The following PCDH15 variants were observed in gnomAD, a reference collection of about 807,000 sequenced individuals.
The protein encoded by PCDH15 is protocadherin related 15, also known as protocadherin-15.
In PCDH15, 129 loss-of-function variants were observed where a neutral mutation model predicts 178.5. That is an observed-to-expected ratio of 0.72 (90% CI 0.63 to 0.84). The LOEUF (loss-of-function observed/expected upper bound fraction) is 0.84. PCDH15 is among the 40% of genes least tolerant of loss of function. The pLI is 0.00. For missense variants in PCDH15, 2,230 were observed against 2,099.9 expected, an observed-to-expected ratio of 1.06 and a Z score of -1.21; for synonymous variants, 800 against 732.0, an observed-to-expected ratio of 1.09 and a Z score of -1.50.
At chr10:55,073,875 C>T (rs571239914) in intron 2 of PCDH15, among the ~76,000 whole-genome samples, 5 of 152,040 alleles carry the variant, frequency 3.3e-5, no homozygotes, top group East Asian at 1.9e-4. Flanking sequence ...CCATCTCCCC[C>T]GACCAGGCTT....
chr10:55,514,736 G>A (rs1840969664), intron 2 of PCDH15, among the ~76,000 whole-genome samples: 1 of 152,048 alleles, frequency 6.6e-6, no homozygotes, highest in Admixed American at 6.6e-5. Flanking sequence ...AACAAAGAAG[G>A]TCAAATAATT....
At position 54,020,316 on chromosome 10, in the gene PCDH15, A is replaced by C. The variant is rs2092876366; in HGVS notation, c.2627T>G (p.Leu876Arg). 1 of 1,613,844 alleles carries C rather than the reference A, an allele frequency of 6.2e-7. No homozygotes were observed. Among genetic ancestry groups the C allele is most frequent in the African/African-American group, 1.3e-5 (1 of 75,028 alleles). ...TGCCTCATAATCTAAACTCCTTAAA[A>C]GCGATAGTTCTCCTGTAAATGGATG... ...ALHPFTGELS[L>R]LRSLDYEAFP... The change falls in exon 20 of 38, where the codon CTT (leucine) becomes CGT (arginine). Residue 876 changes from leucine (L) to arginine (R), a missense_variant. Leu to Arg is a moderately radical substitution (Grantham distance 102). Transcript: ENST00000644397.
intron 2 of PCDH15, among the ~76,000 whole-genome samples, chr10:54,532,138 G>A (rs1322780777): frequency 2.0e-5 from 3 of 151,910 alleles, no homozygotes; most frequent in African/African-American, 7.3e-5. Flanking sequence ...AATCAATCTT[G>A]CCCTTACTCT....
chr10:54,620,538 C>G (rs2093321891), intron 2 of PCDH15, among the ~76,000 whole-genome samples: 1 of 151,976 alleles, frequency 6.6e-6, no homozygotes, highest in Non-Finnish European at 1.5e-5. Context: ...TGTGCCAGTG[C>G]ACCTTCAGAA....
At chr10:54,886,154 G>T (rs940041866) in intron 3 of PCDH15, among the ~76,000 whole-genome samples, 2 of 145,164 alleles carry the variant, frequency 1.4e-5, no homozygotes, top group Non-Finnish European at 2.9e-5. Flanking sequence ...TACATCAAAA[G>T]TTAATGGCAG....
At chr10:55,122,696 G>A (rs1837800467) in intron 2 of PCDH15, among the ~76,000 whole-genome samples, 1 of 152,128 alleles carries the variant, frequency 6.6e-6, no homozygotes, top group South Asian at 2.1e-4. Context: ...CCATGAACAA[G>A]TGAAACCTCA....
intron 2 of PCDH15, among the ~76,000 whole-genome samples, chr10:55,353,110 T>G (rs1844984170): frequency 6.6e-6 from 1 of 152,124 alleles, no homozygotes; most frequent in Non-Finnish European, 1.5e-5. Flanking sequence ...TGTCTGACCA[T>G]CCGACTACCA....
intron 34 of PCDH15, among the ~76,000 whole-genome samples, chr10:53,817,504 T>A (rs1289465246): frequency 2.0e-5 from 3 of 151,118 alleles, no homozygotes; most frequent in Admixed American, 2.0e-4. Context: ...TCTTTGTTTT[T>A]TTTTTCTTTT....
intron 28 of PCDH15, among the ~76,000 whole-genome samples, chr10:53,847,215 A>C (rs866907364): frequency 6.6e-6 from 1 of 152,052 alleles, no homozygotes; most frequent in Admixed American, 6.6e-5. Flanking sequence ...AATGTTGGCT[A>C]CCTGTTGTGA....
chr10:54,185,242 A>T lies in PCDH15; in HGVS notation c.1332T>A (p.Phe444Leu), dbSNP rs1591029501. The T allele has an allele frequency of 3.7e-6, 6 of 1,613,582 alleles. No homozygotes were observed. Among genetic ancestry groups the T allele is most frequent in the Non-Finnish European group, 4.2e-6 (5 of 1,179,602 alleles). Reference sequence around the variant, plus strand: ...TGAAGACTGAGGTGTAGTCATTCAGAAAAAGGTGAAGCTCTGGGTCTTTTG... The same window carrying T: ...TGAAGACTGAGGTGTAGTCATTCAGTAAAAGGTGAAGCTCTGGGTCTTTTG... ...EDTKDPELHL[F>L]LNDYTSVFTV... Residue 444 changes from phenylalanine to leucine, a missense_variant, in exon 12 of 38, where the codon TTT becomes TTA. By Grantham distance (22) the Phe-to-Leu change is conservative. Coordinates refer to ENST00000644397, the MANE Select transcript of PCDH15 (RefSeq NM_001384140.1).
chr10:55,280,269 C>CTTTTT (rs1007536850), intron 1 of PCDH15, among the ~76,000 whole-genome samples: 4 of 65,992 alleles, frequency 6.1e-5, no homozygotes, highest in Non-Finnish European at 8.9e-5. Context: ...TATTTTGATT[C>CTTTTT]TTTTTTTTTT....
chr10:54,562,877 C>A (rs560215994), intron 2 of PCDH15, among the ~76,000 whole-genome samples: 2 of 151,984 alleles, frequency 1.3e-5, no homozygotes, highest in African/African-American at 4.8e-5. Flanking sequence ...AATATTATAC[C>A]CACCTCTCTA....
intron 17 of PCDH15, among the ~76,000 whole-genome samples, chr10:54,070,939 A>C (rs2094230104): frequency 6.6e-6 from 1 of 152,090 alleles, no homozygotes; most frequent in African/African-American, 2.4e-5. Context: ...AGTATAAAAA[A>C]AGTGAGTTAT....
intron 3 of PCDH15, among the ~76,000 whole-genome samples, chr10:54,517,453 A>C (rs1292223529): frequency 6.6e-6 from 1 of 152,158 alleles, no homozygotes; most frequent in Non-Finnish European, 1.5e-5. Flanking sequence ...AAACATCAAA[A>C]GAGACAAAGA....
At chr10:55,626,272 A>G (rs565356080) in intron 2 of PCDH15, among the ~76,000 whole-genome samples, 1 of 152,342 alleles carries the variant, frequency 6.6e-6, no homozygotes, top group East Asian at 1.9e-4. Context: ...GGATCCTTGC[A>G]GAGGAGAGAT....
rs61202887 is a variant in PCDH15 at position 54,756,720 on chromosome 10, AAGAG to A, written c.-29+44201_-29+44204del. Among the ~76,000 whole-genome samples, 14 of 150,850 alleles carry A rather than the reference AAGAG, an allele frequency of 9.3e-5. No individual in the cohort carries two copies. In the East Asian group the frequency reaches 9.8e-4, roughly 11 times the overall value. ...TGTCTGTCTGTCTGTATGTATGTGAAAGAGAGAGAGAGAGAGAGAGAGAAACTAT... is the reference window on the plus strand; with the variant it reads ...TGTCTGTCTGTCTGTATGTATGTGAAAGAGAGAGAGAGAGAGAGAAACTAT... On this transcript the variant is annotated intron_variant, in intron 1 of 37. Transcript: ENST00000644397.
intron 2 of PCDH15, among the ~76,000 whole-genome samples, chr10:54,640,297 T>G (rs2093959950): frequency 6.6e-6 from 1 of 152,086 alleles, no homozygotes; most frequent in Admixed American, 6.6e-5. Context: ...TGATAATTTT[T>G]TTTTTTTTAG....
Position 55,152,425 on chromosome 10 carries a change from T to A in PCDH15, c.-80+14151A>T, listed in dbSNP as rs192771740. ...TGACTATAGACCTATAATTACTCAA[T>A]TCATTTTAATGGGTATATAATTTTT... On this transcript the variant is annotated intron_variant, in intron 2 of 5. Coordinates refer to the PCDH15 transcript ENST00000458638. 5.3e-5 allele frequency among the ~76,000 whole-genome samples: 8 copies of A among 152,310 alleles called. No individual in the cohort carries two copies. The East Asian group carries it at 1.5e-3, about 29-fold the overall frequency.
chr10:54,396,326 T>C (rs74136138), intron 3 of PCDH15, among the ~76,000 whole-genome samples: 1 of 152,172 alleles, frequency 6.6e-6, no homozygotes, highest in African/African-American at 2.4e-5. Context: ...ATGCGTTATA[T>C]AAGCTGAAAT....
Sources: allele counts gnomAD v4.1 joint callset (sites outside exome capture counted in the v4.1 genomes callset), GRCh38; gene constraint gnomAD v4.1.1; transcripts MANE v1.5; gene names NCBI Gene and HGNC (gene_info 2026-07-23, HGNC 2026-07-21).